Variants in JAK1 observed in about 807,000 individuals in gnomAD.
JAK1 encodes the protein Janus kinase 1, also known as tyrosine-protein kinase JAK1.
In JAK1, 16 loss-of-function variants were observed where a neutral mutation model predicts 136.6. The observed-to-expected ratio is 0.12, with a 90% CI of 0.08 to 0.18. The LOEUF is 0.18. JAK1 is among the 10% of genes least tolerant of loss of function. The pLI, the probability that JAK1 is intolerant of heterozygous loss-of-function variation, is 1.00. For synonymous variants in JAK1, 492 were observed against 519.5 expected, an observed-to-expected ratio of 0.95 and a Z score of 0.72; for missense variants, 859 against 1,450.1, an observed-to-expected ratio of 0.59 and a Z score of 6.62.
chr1:64,935,404 A>G (rs1018531533), intron 1 of JAK1, among the ~76,000 whole-genome samples: 1 of 152,152 alleles, frequency 6.6e-6, no homozygotes, highest in African/African-American at 2.4e-5. Flanking sequence ...GGTTCAAGCG[A>G]TTCTCCTGCC....
In JAK1 at chr1:64,956,100, A is replaced by G. The variant is rs952719115; in HGVS notation, c.-78+10233T>C. On this transcript the variant is annotated intron_variant, in intron 1 of 24. Transcript: ENST00000342505. ...ACACTCATTGGTTTACATACTGTCT[A>G]TATCTACATTGGTGCTACAATAGCA... 4.7e-4 allele frequency among the ~76,000 whole-genome samples: 72 copies of G among 152,374 alleles called. 1 individual carries two copies. Among genetic ancestry groups the G allele is most frequent in the African/African-American group, 1.7e-3 (69 of 41,588 alleles).
chr1:64,901,624 G>C (rs193113545), intron 1 of JAK1, among the ~76,000 whole-genome samples: 1 of 152,134 alleles, frequency 6.6e-6, no homozygotes, highest in Non-Finnish European at 1.5e-5. Context: ...AGTTTTAAAA[G>C]TATTCTCTTA....
chr1:64,947,228 TA>T (rs1646003711), intron 1 of JAK1, among the ~76,000 whole-genome samples: 1 of 151,710 alleles, frequency 6.6e-6, no homozygotes, highest in African/African-American at 2.4e-5. Flanking sequence ...TTCCACAACT[TA>T]AAAAAAATTT....
chr1:64,847,386 A>G (rs1302507197), intron 13 of JAK1, 146 bp downstream of exon 13: 5 of 876,636 alleles, frequency 5.7e-6, no homozygotes, highest in South Asian at 1.6e-5. Flanking sequence ...CACTAAGATC[A>G]TATGTGGAGA....
chr1:65,056,623 T>C (rs1647551459), intron 1 of JAK1, among the ~76,000 whole-genome samples: 2 of 152,100 alleles, frequency 1.3e-5, no homozygotes, highest in Non-Finnish European at 2.9e-5. Flanking sequence ...GTTCACAGTA[T>C]GTTAAAAAGT....
intron 1 of JAK1, among the ~76,000 whole-genome samples, chr1:64,920,580 A>AAAATT (rs553112816): frequency 2.0e-5 from 3 of 152,308 alleles, no homozygotes; most frequent in East Asian, 1.9e-4. Context: ...AGACCAAACT[A>AAAATT]AAATTAAATT....
chr1:64,847,994 G>A (rs1655347379), intron 12 of JAK1: 1 of 258,702 alleles, frequency 3.9e-6, no homozygotes. Flanking sequence ...GCCATCAACA[G>A]CCAGCCACAT....
At chr1:64,864,692 C>G (rs1295649357) in intron 8 of JAK1, 95 bp downstream of exon 8, 2 of 1,020,410 alleles carry the variant, frequency 2.0e-6, no homozygotes, top group African/African-American at 1.6e-5. Context: ...CTCTTTAGGA[C>G]AGGAACTCTG....
Position 64,851,030 on chromosome 1 carries a change from C to T in JAK1, c.1649-120G>A, listed in dbSNP as rs890160787. On this transcript the variant is annotated intron_variant, in intron 11 of 24. Coordinates refer to ENST00000342505, the MANE Select transcript of JAK1 (RefSeq NM_002227.4). ...GCGGGCGCTTGCTGCTTCAGTCATT[C>T]GACAAGTGCTTATTCAATAGGCATA... 11 of 691,926 alleles carry T rather than the reference C, an allele frequency of 1.6e-5. No individual in the cohort carries two copies. The African/African-American group carries it at 1.9e-4, about 12-fold the overall frequency. The allele number at this position is 691,926 out of a possible 1,614,324, so 42.9% of individuals were successfully genotyped here. A position where few individuals can be genotyped will look rare whatever the true frequency, so the allele number is the denominator to read the frequency against.
chr1:64,976,432 G>A (rs1441204036), intron 2 of JAK1, among the ~76,000 whole-genome samples: 1 of 152,140 alleles, frequency 6.6e-6, no homozygotes, highest in East Asian at 1.9e-4. Context: ...AGCCACCTTG[G>A]CTGCTCCTCT....
At position 65,067,280 on chromosome 1, in the gene JAK1, G is replaced by A. The variant is rs1274711614; in HGVS notation, c.-181+324C>T. 3.3e-5 allele frequency among the ~76,000 whole-genome samples: 5 copies of A among 150,290 alleles called. No individual in the cohort carries two copies. In the South Asian group the frequency reaches 8.3e-4, roughly 25 times the overall value. ...GCGCCCTCGGCCCCCGGCGCCGCCTGGCCCGCCCCCAGACCCCAGTGCGGA... is the reference window on the plus strand; with the variant it reads ...GCGCCCTCGGCCCCCGGCGCCGCCTAGCCCGCCCCCAGACCCCAGTGCGGA... On this transcript the variant is annotated intron_variant, in intron 1 of 25. Transcript: ENST00000671954.
chr1:64,930,544 T>C (rs1014110737), intron 1 of JAK1, among the ~76,000 whole-genome samples: 3 of 152,182 alleles, frequency 2.0e-5, no homozygotes, highest in African/African-American at 7.2e-5. Context: ...CTTTATGCTG[T>C]TGGTGGGAGT....
intron 1 of JAK1, among the ~76,000 whole-genome samples, chr1:64,888,759 T>C (rs947678678): frequency 1.3e-5 from 2 of 152,204 alleles, no homozygotes; most frequent in Non-Finnish European, 2.9e-5. Flanking sequence ...TGGTATAGAT[T>C]TGTGATGCTT....
At chr1:64,864,330 TC>T (rs986272209) in intron 8 of JAK1, among the ~76,000 whole-genome samples, 1 of 152,252 alleles carries the variant, frequency 6.6e-6, no homozygotes, top group African/African-American at 2.4e-5. Context: ...CTTTCCTCTG[TC>T]CGAGAGTCAC....
chr1:64,935,523 A>G (rs1030289271), intron 1 of JAK1, among the ~76,000 whole-genome samples: 7 of 151,352 alleles, frequency 4.6e-5, no homozygotes, highest in Non-Finnish European at 8.8e-5. Flanking sequence ...CTGGTCTCGA[A>G]CTCTCCTGAC....
intron 19 of JAK1, among the ~76,000 whole-genome samples, 200 bp downstream of exon 19, chr1:64,841,045 T>A (rs1462413925): frequency 1.3e-5 from 2 of 152,130 alleles, no homozygotes; most frequent in African/African-American, 4.8e-5. Context: ...GGGACGTGCA[T>A]TCCGTCCGTG....
chr1:64,934,922 G>T (rs76055700), intron 1 of JAK1, among the ~76,000 whole-genome samples: 5,431 of 152,228 alleles, frequency 0.036, 395 homozygotes, highest in East Asian at 0.32. Flanking sequence ...CCACTAGTAG[G>T]ACCCTCCAGA....
intron 8 of JAK1, among the ~76,000 whole-genome samples, chr1:64,863,912 AAGAT>A (rs1383699995): frequency 2.0e-5 from 3 of 152,196 alleles, no homozygotes; most frequent in Non-Finnish European, 2.9e-5. Flanking sequence ...TTGTTTCTGG[AAGAT>A]AGATTCATTC....
At position 65,029,263 on chromosome 1, in the gene JAK1, A is replaced by T. The variant is rs537466688; in HGVS notation, c.-78+15217T>A. On this transcript the variant is annotated intron_variant, in intron 2 of 25. Coordinates refer to the JAK1 transcript ENST00000671954. ...GGACATGCACCACTGTGCCCAGCTA[A>T]TTTTTTTTGTATTTTTTGTAGAGAT... Among the ~76,000 whole-genome samples, 17 of 151,824 alleles carry T rather than the reference A, an allele frequency of 1.1e-4. 1 individual carries two copies. In the South Asian group the frequency reaches 1.9e-3, roughly 17 times the overall value.
Sources: gnomAD v4.1 joint callset for allele counts (sites outside exome capture counted in the v4.1 genomes callset) on GRCh38, gnomAD v4.1.1 for gene constraint, MANE v1.5 for transcripts, NCBI Gene and HGNC (gene_info 2026-07-23, HGNC 2026-07-21) for gene names.